The following ICE2 variants were observed in gnomAD, a reference collection of about 807,000 sequenced individuals.
ICE2 encodes the protein interactor of little elongation complex ELL subunit 2.
Under a neutral mutation model 105.4 loss-of-function variants are expected in ICE2, and 87 were observed. The ratio of observed to expected loss-of-function variants is 0.83; its 90% CI spans 0.69 to 0.99. The LOEUF is 0.99. ICE2 is among the 50% of genes least tolerant of loss of function. The pLI, the probability that ICE2 is intolerant of heterozygous loss-of-function variation, is 0.00. For synonymous variants in ICE2, 399 were observed against 392.0 expected, an observed-to-expected ratio of 1.02 and a Z score of -0.21; for missense variants, 1,323 against 1,146.7, an observed-to-expected ratio of 1.15 and a Z score of -2.22.
chr15:60,466,504 C>T (rs78468815), intron 5 of ICE2, 90 bp downstream of exon 5: 32 of 1,462,744 alleles, frequency 2.2e-5, no homozygotes, highest in East Asian at 1.6e-4. Context: ...CTGACAGTTC[C>T]GAATGCTTTT....
intron 9 of ICE2, 122 bp from the exon 10 acceptor site, chr15:60,449,963 G>A: frequency 1.4e-6 from 1 of 706,052 alleles, no homozygotes; most frequent in Non-Finnish European, 2.3e-6. Context: ...AAAGTCTAAT[G>A]GTTGTAAAAG....
At chr15:60,424,956 C>A (rs570125658) in intron 15 of ICE2, among the ~76,000 whole-genome samples, 2 of 152,194 alleles carry the variant, frequency 1.3e-5, no homozygotes, top group African/African-American at 2.4e-5. Flanking sequence ...CCCATATCTG[C>A]CTTTATTTTC....
rs1338559184 is a variant in ICE2 at position 60,468,258 on chromosome 15, C to T, written c.211G>A (p.Ala71Thr). ...TTAACTTTTTCCTTTGCTTGAGTTG[C>T]TGAACTAACTGCCGGCTCATTTTCT... Reference protein sequence around the residue: ...SVENEPAVSSATQAKEKVKTT... With the variant: ...SVENEPAVSSTTQAKEKVKTT... The change falls in exon 4 of 16, where the codon GCA becomes ACA. Residue 71 changes from alanine to threonine, a missense_variant. Physicochemically the swap from Ala to Thr is moderately conservative, Grantham distance 58. Transcript: ENST00000261520. The T allele has an allele frequency of 1.9e-6, 3 of 1,613,376 alleles. No homozygotes were observed. The Admixed American group carries it at 5.0e-5, about 27-fold the overall frequency.
chr15:60,436,737 A>AAAG (rs2063600056), intron 12 of ICE2, among the ~76,000 whole-genome samples: 1 of 151,072 alleles, frequency 6.6e-6, no homozygotes, highest in Non-Finnish European at 1.5e-5. Flanking sequence ...AAAAAAAAAA[A>AAAG]AAAGAAAGTT....
rs751380833 is a variant in ICE2, at chr15:60,447,961, A to C, written c.2295+9T>G. On this transcript the variant is annotated intron_variant, in intron 11 of 15. Transcript: ENST00000261520. ...TGATCATATTCTAACTCCGCAAATA[A>C]CAACTTACTCTTCTGATTTTCTTCC... 6.2e-7 allele frequency: 1 copy of C among 1,602,536 alleles called. No individual in the cohort carries two copies.
At chr15:60,445,242 G>A (rs2063798062) in intron 11 of ICE2, among the ~76,000 whole-genome samples, 1 of 152,084 alleles carries the variant, frequency 6.6e-6, no homozygotes, top group South Asian at 2.1e-4. Flanking sequence ...ATACTAATGG[G>A]GGATGTAATT....
chr15:60,455,087 A>G lies in ICE2; in HGVS notation c.859T>C (p.Leu287=). The part of the protein sequence containing the change: ...HPQIALTSQS[L]FTLLNNHGPT... ...CCATGATTATTTAATAAGGTAAATAATGACTGACTAGTTAGAGCTATCTGA... is the reference window on the plus strand; with the variant it reads ...CCATGATTATTTAATAAGGTAAATAGTGACTGACTAGTTAGAGCTATCTGA... Residue 287 remains leucine, a synonymous_variant, in exon 8 of 16, where the codon TTA becomes CTA. Transcript: ENST00000261520. 1 of 1,603,738 alleles carries G rather than the reference A, an allele frequency of 6.2e-7. No homozygotes were observed.
intron 5 of ICE2, among the ~76,000 whole-genome samples, chr15:60,463,983 G>A (rs898491903): frequency 1.3e-5 from 2 of 152,206 alleles, no homozygotes; most frequent in Admixed American, 6.5e-5. Flanking sequence ...ACCTGGACAA[G>A]AGTTACGTAG....
Position 60,449,438 on chromosome 15 carries a change from G to A in ICE2, c.1529C>T (p.Thr510Ile), listed in dbSNP as rs779585824. The change falls in exon 10 of 16, where the codon ACA becomes ATA. Residue 510 changes from threonine to isoleucine, a missense_variant. By Grantham distance (89) the Thr-to-Ile change is moderately conservative. Transcript: ENST00000261520. Reference sequence around the variant, plus strand: ...ATTTTCTAACTGTAAGGCATCAGATGTTTTCAAGTCACTATCTTGTATCAA... The same window carrying A: ...ATTTTCTAACTGTAAGGCATCAGATATTTTCAAGTCACTATCTTGTATCAA... ...KPLIQDSDLKTSDALQLENSQ... is the reference protein window; with the variant it reads ...KPLIQDSDLKISDALQLENSQ... The A allele has an allele frequency of 3.7e-6, 6 of 1,613,862 alleles. No homozygotes were observed. Among genetic ancestry groups the A allele is most frequent in the Non-Finnish European group, 5.1e-6 (6 of 1,179,976 alleles).
chr15:60,423,679 T>G lies in ICE2; in HGVS notation c.2904A>C (p.Gln968His), dbSNP rs1479525881. 2 of 1,611,062 alleles carry G rather than the reference T, an allele frequency of 1.2e-6. No homozygotes were observed. The highest frequency in any genetic ancestry group is 1.7e-6 in the Non-Finnish European group (2 of 1,179,486). Reference protein sequence around the residue: ...ETKSSCLPAQQVETEGVAPHK... With the variant: ...ETKSSCLPAQHVETEGVAPHK... ...GTGGAGCCACTCCTTCAGTTTCAAC[T>G]TGCTGAGCAGGCAAGCAACTGCTTT... Residue 968 changes from glutamine to histidine, a missense_variant, in exon 16 of 16, where the codon CAA becomes CAC. By Grantham distance (24) the Gln-to-His change is conservative. Transcript: ENST00000261520.
intron 15 of ICE2, among the ~76,000 whole-genome samples, chr15:60,428,167 T>G (rs932115584): frequency 6.6e-6 from 1 of 152,200 alleles, no homozygotes; most frequent in Non-Finnish European, 1.5e-5. Flanking sequence ...ACTACATGGA[T>G]GCCTTACCCA....
intron 15 of ICE2, among the ~76,000 whole-genome samples, chr15:60,427,772 C>T (rs547404842): frequency 1.3e-5 from 2 of 152,142 alleles, no homozygotes; most frequent in Admixed American, 6.5e-5. Context: ...ACACAATATA[C>T]AGAATGAGTG....
intron 3 of ICE2, among the ~76,000 whole-genome samples, chr15:60,472,544 T>C (rs16942584): frequency 0.024 from 3,658 of 152,304 alleles, 136 homozygotes; most frequent in African/African-American, 0.078. Context: ...TTGTGCTCTA[T>C]AGAAATCTAA....
At chr15:60,471,250 G>T (rs1405025130) in intron 3 of ICE2, among the ~76,000 whole-genome samples, 1 of 152,100 alleles carries the variant, frequency 6.6e-6, no homozygotes, top group African/African-American at 2.4e-5. Context: ...GTAAAAAAAA[G>T]ACACAGCTAC....
chr15:60,470,133 G>A lies in ICE2; in HGVS notation c.147-1811C>T, dbSNP rs576040385. 8.6e-5 allele frequency among the ~76,000 whole-genome samples: 13 copies of A among 151,328 alleles called. No individual in the cohort carries two copies. The South Asian group carries it at 2.5e-3, about 30-fold the overall frequency. On this transcript the variant is annotated intron_variant, in intron 3 of 15. Coordinates refer to ENST00000261520, the MANE Select transcript of ICE2 (RefSeq NM_024611.6). ...TATTAACTACCATGTGCCAGCCTAT[G>A]CCAGGTACTGGAAATACAACACTAA...
In ICE2 at chr15:60,468,050, A is replaced by G. The variant is rs1345151918; in HGVS notation, c.408+11T>C. 3 of 1,581,228 alleles carry G rather than the reference A, an allele frequency of 1.9e-6. No homozygotes were observed. Among genetic ancestry groups the G allele is most frequent in the Non-Finnish European group, 8.6e-7 (1 of 1,161,582 alleles). On this transcript the variant is annotated intron_variant, in intron 4 of 15. Coordinates refer to ENST00000261520, the MANE Select transcript of ICE2 (RefSeq NM_024611.6). ...TTATTTTTTCCTGAAACTGAAGAAC[A>G]CAATACATACCAAGTACTGCAAGTA... is the stretch of plus-strand genomic sequence containing the variant.
Position 60,422,339 on chromosome 15 carries a change from T to C in ICE2, c.*1295A>G, listed in dbSNP as rs2063249879. ...GAGATGAGGTCTGTGTTGCCCAGACTGGTCTCCAACCCCTGGACTCAAGTG... is the reference window on the plus strand; with the variant it reads ...GAGATGAGGTCTGTGTTGCCCAGACCGGTCTCCAACCCCTGGACTCAAGTG... On this transcript the variant is annotated 3_prime_UTR_variant, in exon 16 of 16. Coordinates refer to ENST00000261520, the MANE Select transcript of ICE2 (RefSeq NM_024611.6). 6.6e-6 allele frequency: 1 copy of C among 152,064 alleles called. No individual in the cohort carries two copies. Among genetic ancestry groups the C allele is most frequent in the African/African-American group, 2.4e-5 (1 of 41,372 alleles). 9.4% of individuals were successfully genotyped at this position (152,064 alleles called of 1,614,324 possible).
chr15:60,456,759 C>CT lies in ICE2; in HGVS notation c.563dup (p.Tyr189ValfsTer62). The CT allele has an allele frequency of 6.6e-7, 1 of 1,523,378 alleles. No homozygotes were observed. The highest frequency in any genetic ancestry group is 8.8e-7 in the Non-Finnish European group (1 of 1,135,948). The allele number at this position is 1,523,378 out of a possible 1,614,324, so 94.4% of individuals were successfully genotyped here. On this transcript the variant is annotated frameshift_variant, in exon 6 of 16. Coordinates refer to ENST00000261520, the MANE Select transcript of ICE2 (RefSeq NM_024611.6). LOFTEE classifies it high-confidence loss of function. ...CGTGGAGAGTATAGAATTCTGAATACTTTTTCACTTGTTCAATGCAAGCTC... is the reference window on the plus strand; with the variant it reads ...CGTGGAGAGTATAGAATTCTGAATACTTTTTTCACTTGTTCAATGCAAGCTC...
intron 10 of ICE2, 137 bp from the exon 11 acceptor site, chr15:60,448,282 A>C: frequency 1.7e-6 from 1 of 575,762 alleles, no homozygotes; most frequent in Admixed American, 3.4e-5. Context: ...GGACCCTCAC[A>C]CTATTACCAT....
Sources: allele counts gnomAD v4.1 joint callset (sites outside exome capture counted in the v4.1 genomes callset), GRCh38; gene constraint gnomAD v4.1.1; transcripts MANE v1.5; gene names NCBI Gene and HGNC (gene_info 2026-07-23, HGNC 2026-07-21).